TEKT1: variants seen among roughly 807,000 people sequenced by gnomAD.
The protein encoded by TEKT1 is tektin 1.
A neutral mutation model predicts 34.8 loss-of-function variants in TEKT1; 32 were observed. The observed-to-expected ratio is 0.92, with a 90% CI of 0.69 to 1.23. The LOEUF is 1.23. Among genes scored for constraint, TEKT1 ranks in the 50% most tolerant of loss-of-function variants. The pLI is 0.00. For synonymous variants in TEKT1, 207 were observed against 199.8 expected (o/e 1.04, Z -0.30); for missense variants, 492 against 518.5 (o/e 0.95, Z 0.50).
chr17:6,810,113 G>A (rs900394008), intron 6 of TEKT1, among the ~76,000 whole-genome samples: 3 of 152,218 alleles, frequency 2.0e-5, no homozygotes, highest in African/African-American at 4.8e-5. Flanking sequence ...ATCAATGAAT[G>A]AGAGTTCCTG....
chr17:6,821,518 T>C (rs1567681084), intron 2 of TEKT1, among the ~76,000 whole-genome samples: 1 of 152,206 alleles, frequency 6.6e-6, no homozygotes, highest in Non-Finnish European at 1.5e-5. Flanking sequence ...CAGTCTCAGG[T>C]ATTTCTTTAT....
chr17:6,818,711 C>T (rs1194571234), intron 3 of TEKT1, among the ~76,000 whole-genome samples: 2 of 152,166 alleles, frequency 1.3e-5, no homozygotes, highest in Non-Finnish European at 2.9e-5. Context: ...ACCCCACTTA[C>T]TCCTACTTGC....
intron 3 of TEKT1, among the ~76,000 whole-genome samples, 172 bp downstream of exon 3, chr17:6,819,021 C>T (rs924493819): frequency 6.6e-6 from 1 of 152,138 alleles, no homozygotes; most frequent in Non-Finnish European, 1.5e-5. Context: ...GAACCAAGTC[C>T]AGTGCCCCTT....
chr17:6,804,834 T>C (rs1297569301), intron 6 of TEKT1, among the ~76,000 whole-genome samples: 1 of 152,204 alleles, frequency 6.6e-6, no homozygotes, highest in African/African-American at 2.4e-5. Flanking sequence ...GTGGATAAGC[T>C]TTTTGATGTG....
At chr17:6,829,535 A>T (rs1332076324) in intron 2 of TEKT1, among the ~76,000 whole-genome samples, 2 of 141,108 alleles carry the variant, frequency 1.4e-5, no homozygotes, top group Non-Finnish European at 3.0e-5. Flanking sequence ...TTTTTATGAA[A>T]CAGGGTCTTG....
chr17:6,820,042 T>C (rs1469020504), intron 2 of TEKT1, among the ~76,000 whole-genome samples: 2 of 152,228 alleles, frequency 1.3e-5, no homozygotes, highest in Non-Finnish European at 2.9e-5. Context: ...TCAGTTTTGA[T>C]ATTATATGTT....
rs1976759693 is a variant in TEKT1, at chr17:6,800,781, T to C, written c.1015A>G (p.Lys339Glu). 6.2e-7 allele frequency: 1 copy of C among 1,613,816 alleles called. No homozygotes were observed. Among genetic ancestry groups the C allele is most frequent in the African/African-American group, 1.3e-5 (1 of 74,918 alleles). The change falls in exon 7 of 8, where the codon AAG becomes GAG. Residue 339 changes from lysine to glutamate, a missense_variant. Physicochemically the swap from Lys to Glu is moderately conservative, Grantham distance 56. Transcript: ENST00000338694. Reference sequence around the variant, plus strand: ...TTGTGGGTGATCTCTTGAACCTCCTTCATTAGCCTATATTGTGCGACATCA... The same window carrying C: ...TTGTGGGTGATCTCTTGAACCTCCTCCATTAGCCTATATTGTGCGACATCA... ...CRDVAQYRLMKEVQEITHNVA... is the reference protein window; with the variant it reads ...CRDVAQYRLMEEVQEITHNVA...
chr17:6,816,654 C>G (rs1977012220), intron 3 of TEKT1, among the ~76,000 whole-genome samples: 1 of 152,078 alleles, frequency 6.6e-6, no homozygotes, highest in Admixed American at 6.5e-5. Flanking sequence ...GGGTTGGTTC[C>G]AAGTCTTTGC....
intron 3 of TEKT1, among the ~76,000 whole-genome samples, chr17:6,816,406 G>A (rs572075747): frequency 3.9e-5 from 6 of 152,066 alleles, no homozygotes; most frequent in South Asian, 2.1e-4. Context: ...GACAGGCCCC[G>A]GTGTGTGATG....
intron 2 of TEKT1, among the ~76,000 whole-genome samples, chr17:6,825,892 C>G (rs956305266): frequency 1.3e-5 from 2 of 152,202 alleles, no homozygotes; most frequent in African/African-American, 4.8e-5. Context: ...GGGGCCATTA[C>G]AAATGGCCCT....
intron 6 of TEKT1, 64 bp from the exon 7 acceptor site, chr17:6,801,007 C>T: frequency 1.4e-6 from 2 of 1,464,984 alleles, no homozygotes; most frequent in African/African-American, 1.4e-5. Flanking sequence ...CAGCTGACAG[C>T]AGATGGGTTG....
chr17:6,814,707 G>A (rs543124426), intron 5 of TEKT1, among the ~76,000 whole-genome samples: 53 of 152,078 alleles, frequency 3.5e-4, no homozygotes, highest in Admixed American at 3.1e-3. Flanking sequence ...GCATGGTGGC[G>A]GGCGCCTGTA....
At chr17:6,814,567 G>A (rs4616328) in intron 5 of TEKT1, among the ~76,000 whole-genome samples, 100,878 of 152,146 alleles carry the variant, frequency 0.66, 34,771 homozygotes, top group African/African-American at 0.87. Flanking sequence ...GGCCAGGGGC[G>A]GTGGCTCACG....
At chr17:6,822,042 G>C (rs1160794516) in intron 2 of TEKT1, among the ~76,000 whole-genome samples, 1 of 151,956 alleles carries the variant, frequency 6.6e-6, no homozygotes, top group Admixed American at 6.6e-5. Context: ...TGTCTCCAGG[G>C]CATGTCAGAG....
intron 3 of TEKT1, among the ~76,000 whole-genome samples, chr17:6,816,799 A>G (rs897997690): frequency 6.6e-6 from 1 of 152,162 alleles, no homozygotes; most frequent in East Asian, 1.9e-4. Flanking sequence ...TCCTTGAGGA[A>G]TCACCACACT....
chr17:6,825,960 C>G (rs947064923), intron 2 of TEKT1, among the ~76,000 whole-genome samples: 1 of 151,950 alleles, frequency 6.6e-6, no homozygotes, highest in Non-Finnish European at 1.5e-5. Context: ...TGATAAAACT[C>G]TAAAGGTAGA....
chr17:6,806,575 C>A (rs570964999), intron 6 of TEKT1, among the ~76,000 whole-genome samples: 1 of 152,290 alleles, frequency 6.6e-6, no homozygotes, highest in South Asian at 2.1e-4. Context: ...ATGGTCTTTA[C>A]AATTTGGCAT....
chr17:6,815,576 C>T (rs979083670), intron 4 of TEKT1, among the ~76,000 whole-genome samples: 1 of 152,194 alleles, frequency 6.6e-6, no homozygotes, highest in Non-Finnish European at 1.5e-5. Context: ...GGGTCAGCCT[C>T]ACCAGTGGGT....
chr17:6,815,687 C>T (rs932708930), intron 4 of TEKT1, 147 bp downstream of exon 4: 1 of 1,277,120 alleles, frequency 7.8e-7, no homozygotes, highest in African/African-American at 1.5e-5. Flanking sequence ...AGCTCTTACC[C>T]TGAGTGCTGG....
Sources: allele counts gnomAD v4.1 joint callset (sites outside exome capture counted in the v4.1 genomes callset), GRCh38; gene constraint gnomAD v4.1.1; transcripts MANE v1.5; gene names NCBI Gene and HGNC (gene_info 2026-07-23, HGNC 2026-07-21).